Variants in ANKRD30BL observed in about 807,000 individuals in gnomAD.
The protein encoded by ANKRD30BL is ankyrin repeat domain 30B like.
Under a neutral mutation model 18.4 loss-of-function variants are expected in ANKRD30BL, and 20 were observed. The observed-to-expected ratio is 1.09, with a 90% confidence interval of 0.77 to 1.58. The LOEUF (loss-of-function observed/expected upper bound fraction) is 1.58, where lower values mean the gene tolerates loss of function less well. Among genes scored for constraint, ANKRD30BL ranks in the 40% most tolerant of loss-of-function variants. The pLI is 0.00. For synonymous variants in ANKRD30BL, 72 were observed against 100.9 expected (o/e 0.71, Z 1.72); for missense variants, 224 against 268.6 (o/e 0.83, Z 1.16).
upstream of ANKRD30BL, among the ~76,000 whole-genome samples, chr2:132,165,214 T>A (rs2104936995): frequency 1.5e-5 from 2 of 132,844 alleles, no homozygotes; most frequent in African/African-American, 6.3e-5. Context: ...TGCCAAATCA[T>A]TTATTTTTTT....
At chr2:132,217,844 T>G (rs554810475) in intron 1 of ANKRD30BL, among the ~76,000 whole-genome samples, 1 of 152,294 alleles carries the variant, frequency 6.6e-6, no homozygotes, top group South Asian at 2.1e-4. Context: ...ACTCACAGAG[T>G]TGAACCTTTC....
chr2:132,238,625 A>G (rs1680227254), intron 1 of ANKRD30BL, among the ~76,000 whole-genome samples: 1 of 152,004 alleles, frequency 6.6e-6, no homozygotes, highest in Non-Finnish European at 1.5e-5. Flanking sequence ...TCTTCCCATA[A>G]AAACTAGACA....
At chr2:132,234,171 G>C (rs914519667) in intron 1 of ANKRD30BL, among the ~76,000 whole-genome samples, 8 of 151,894 alleles carry the variant, frequency 5.3e-5, no homozygotes, top group African/African-American at 1.9e-4. Context: ...AGAATCTCTG[G>C]GACACATTCA....
chr2:132,257,406 G>A (rs1410517739), intron 1 of ANKRD30BL: 4 of 323,686 alleles, frequency 1.2e-5, no homozygotes, highest in African/African-American at 6.9e-5. Flanking sequence ...CTAGGACGCC[G>A]GCCCGGCCCG....
chr2:132,230,028 C>G (rs62166106), intron 1 of ANKRD30BL, among the ~76,000 whole-genome samples: 10,859 of 151,790 alleles, frequency 0.072, 1,274 homozygotes, highest in African/African-American at 0.25. Flanking sequence ...CAACTCACAG[C>G]GTTGAAACTT....
chr2:132,168,056 C>G (rs1480492170), intron 1 of ANKRD30BL, among the ~76,000 whole-genome samples: 1 of 152,108 alleles, frequency 6.6e-6, no homozygotes, highest in Non-Finnish European at 1.5e-5. Context: ...ATCATTTTCT[C>G]TCCACTTGAA....
chr2:132,190,214 C>T (rs3114159), intron 1 of ANKRD30BL, among the ~76,000 whole-genome samples: 16,969 of 151,958 alleles, frequency 0.11, 3,171 homozygotes, highest in African/African-American at 0.39. Context: ...GGGGATAAAA[C>T]ATTTTACATA....
chr2:132,241,530 T>C (rs368855085), intron 1 of ANKRD30BL, among the ~76,000 whole-genome samples: 5 of 151,248 alleles, frequency 3.3e-5, no homozygotes, highest in Non-Finnish European at 7.4e-5. Context: ...TAATAACTAG[T>C]TAGAAGCATT....
intron 1 of ANKRD30BL, among the ~76,000 whole-genome samples, chr2:132,203,109 C>G (rs1039429425): frequency 4.1e-4 from 63 of 152,392 alleles, no homozygotes; most frequent in Non-Finnish European, 7.8e-4. Flanking sequence ...AACCACCCAC[C>G]CCTGCTGAAA....
At position 132,236,788 on chromosome 2, in the gene ANKRD30BL, G is replaced by T. The variant is rs570332640; in HGVS notation, n.441+20741C>A. ...TCCCATTACTGGGTATATACCCAAA[G>T]GACTATAAATCATGCTGCTATAAAG... On this transcript the variant is annotated intron_variant and non_coding_transcript_variant, in intron 1 of 4. Coordinates refer to the ANKRD30BL transcript ENST00000470729. 1.2e-3 allele frequency among the ~76,000 whole-genome samples: 176 copies of T among 151,994 alleles called. 2 individuals carry two copies. The Middle Eastern group carries it at 0.014, about 12-fold the overall frequency.
intron 1 of ANKRD30BL, among the ~76,000 whole-genome samples, chr2:132,173,324 G>T: frequency 7.0e-6 from 1 of 143,288 alleles, no homozygotes. Flanking sequence ...TTTTGAGATG[G>T]AGTTTCACTC....
At chr2:132,172,776 C>G (rs1272573419) in intron 1 of ANKRD30BL, among the ~76,000 whole-genome samples, 3 of 151,360 alleles carry the variant, frequency 2.0e-5, no homozygotes, top group Admixed American at 2.0e-4. Flanking sequence ...GGCACAATCT[C>G]AGCTCACTGA....
At chr2:132,216,917 T>C (rs569036804) in intron 1 of ANKRD30BL, among the ~76,000 whole-genome samples, 2 of 151,642 alleles carry the variant, frequency 1.3e-5, no homozygotes, top group South Asian at 4.2e-4. Flanking sequence ...GGAAATGGGA[T>C]ATCTTCACAT....
At chr2:132,180,155 C>G (rs1688437235) in intron 1 of ANKRD30BL, among the ~76,000 whole-genome samples, 1 of 151,818 alleles carries the variant, frequency 6.6e-6, no homozygotes, top group Admixed American at 6.6e-5. Context: ...CACTCACTCA[C>G]TTACCCAGAG....
At chr2:132,171,064 G>C (rs1192636266) in intron 1 of ANKRD30BL, among the ~76,000 whole-genome samples, 1 of 151,440 alleles carries the variant, frequency 6.6e-6, no homozygotes, top group African/African-American at 2.4e-5. Flanking sequence ...GCTGAGGCAG[G>C]AGAATGGCGT....
chr2:132,182,777 A>T (rs570320122), intron 1 of ANKRD30BL, among the ~76,000 whole-genome samples: 67 of 152,306 alleles, frequency 4.4e-4, no homozygotes, highest in African/African-American at 1.5e-3. Context: ...TTCACTCTGA[A>T]AAATGAAAAA....
At chr2:132,244,569 T>G (rs139264354) in intron 1 of ANKRD30BL, among the ~76,000 whole-genome samples, 1 of 152,376 alleles carries the variant, frequency 6.6e-6, no homozygotes, top group Admixed American at 6.5e-5. Context: ...TTGAGGCCTA[T>G]GGTGAAAAAG....
intron 1 of ANKRD30BL, among the ~76,000 whole-genome samples, chr2:132,237,272 T>G (rs1166744223): frequency 2.6e-5 from 4 of 151,790 alleles, no homozygotes; most frequent in African/African-American, 7.2e-5. Context: ...ACTTAAAGAA[T>G]AATAATAATA....
intron 1 of ANKRD30BL, among the ~76,000 whole-genome samples, chr2:132,208,165 G>C (rs558873042): frequency 6.6e-6 from 1 of 152,164 alleles, no homozygotes; most frequent in Non-Finnish European, 1.5e-5. Context: ...GCAGGCCTCT[G>C]TAGTCCAAAA....
Sources: allele counts gnomAD v4.1 joint callset (sites outside exome capture counted in the v4.1 genomes callset), GRCh38; gene constraint gnomAD v4.1.1; transcripts MANE v1.5; gene names NCBI Gene and HGNC (gene_info 2026-07-23, HGNC 2026-07-21).